Variants in RANBP17 observed in about 807,000 individuals in gnomAD.
RANBP17 encodes ran-binding protein 17.
In RANBP17, 158 loss-of-function variants were observed where a neutral mutation model predicts 141.2. The ratio of observed to expected loss-of-function variants is 1.12; its 90% CI spans 0.98 to 1.28. The LOEUF is 1.28. Among genes scored for constraint, RANBP17 ranks in the 50% most tolerant of loss-of-function variants. RANBP17 has a pLI of 0.00. For missense variants in RANBP17, 1,438 were observed against 1,290.7 expected (o/e 1.11, Z -1.75); for synonymous variants, 430 against 450.0 (o/e 0.96, Z 0.56).
chr5:171,079,096 A>G lies in RANBP17; in HGVS notation c.1711-91034A>G, dbSNP rs577341090. 3.3e-5 allele frequency among the ~76,000 whole-genome samples: 5 copies of G among 152,290 alleles called. No homozygotes were observed. The South Asian group carries it at 1.0e-3, about 32-fold the overall frequency. On this transcript the variant is annotated intron_variant, in intron 14 of 27. Coordinates refer to ENST00000523189, the MANE Select transcript of RANBP17 (RefSeq NM_022897.5). ...CATGGAAGTAGGTCAGTATATTAACATTAATATATTGACTCTGAAAGGAGT... is the reference window on the plus strand; with the variant it reads ...CATGGAAGTAGGTCAGTATATTAACGTTAATATATTGACTCTGAAAGGAGT...
At chr5:170,997,010 A>G (rs1778860468) in intron 14 of RANBP17, among the ~76,000 whole-genome samples, 1 of 152,114 alleles carries the variant, frequency 6.6e-6, no homozygotes, top group Non-Finnish European at 1.5e-5. Context: ...GTCATGTGTC[A>G]AAAGAGAGAC....
At chr5:171,186,905 T>G (rs78920269) in intron 18 of RANBP17, among the ~76,000 whole-genome samples, 7,961 of 152,226 alleles carry the variant, frequency 0.052, 271 homozygotes, top group East Asian at 0.12. Context: ...TTTAATCGCT[T>G]TAATTTTCTT....
At chr5:171,262,018 G>A (rs918566886) in intron 24 of RANBP17, among the ~76,000 whole-genome samples, 2 of 152,134 alleles carry the variant, frequency 1.3e-5, no homozygotes, top group Non-Finnish European at 1.5e-5. Context: ...TGCTTTTATT[G>A]CGAGGATATA....
intron 14 of RANBP17, among the ~76,000 whole-genome samples, chr5:171,007,111 A>G (rs1581379841): frequency 6.6e-6 from 1 of 152,276 alleles, no homozygotes; most frequent in East Asian, 1.9e-4. Flanking sequence ...AAAGGGTAGA[A>G]GTTAGGATGA....
At chr5:171,249,804 C>T (rs2128002513) in intron 24 of RANBP17, among the ~76,000 whole-genome samples, 1 of 152,218 alleles carries the variant, frequency 6.6e-6, no homozygotes, top group South Asian at 2.1e-4. Flanking sequence ...TTGCCAGCAT[C>T]CATGAGAACA....
At chr5:170,943,766 A>G (rs1774530210) in intron 12 of RANBP17, among the ~76,000 whole-genome samples, 1 of 152,152 alleles carries the variant, frequency 6.6e-6, no homozygotes, top group Non-Finnish European at 1.5e-5. Context: ...CATTTTTTGT[A>G]TATATTTAAG....
intron 25 of RANBP17, among the ~76,000 whole-genome samples, chr5:171,284,013 C>T (rs578171382): frequency 6.6e-6 from 1 of 152,258 alleles, no homozygotes; most frequent in South Asian, 2.1e-4. Flanking sequence ...TTGTGAAGTA[C>T]GATAATAATT....
At chr5:171,076,491 A>G (rs1010357138) in intron 14 of RANBP17, among the ~76,000 whole-genome samples, 5 of 152,250 alleles carry the variant, frequency 3.3e-5, no homozygotes, top group African/African-American at 1.2e-4. Context: ...AAATGTGACT[A>G]CAAAAGTATT....
At chr5:171,061,359 G>A (rs547028882) in intron 14 of RANBP17, among the ~76,000 whole-genome samples, 195 of 152,122 alleles carry the variant, frequency 1.3e-3, no homozygotes, top group African/African-American at 4.6e-3. Context: ...CTGGTATGTT[G>A]TGTCTTTGTT....
chr5:171,285,996 G>A (rs1768149716), intron 25 of RANBP17, among the ~76,000 whole-genome samples: 1 of 152,196 alleles, frequency 6.6e-6, no homozygotes, highest in African/African-American at 2.4e-5. Context: ...GATTAAAATG[G>A]ATGTTTTGAG....
At chr5:171,063,054 C>G (rs1432318843) in intron 14 of RANBP17, among the ~76,000 whole-genome samples, 1 of 152,078 alleles carries the variant, frequency 6.6e-6, no homozygotes, top group Non-Finnish European at 1.5e-5. Flanking sequence ...TCTAGTTATA[C>G]ATTCATCTAA....
At chr5:171,056,893 T>C (rs1783422375) in intron 14 of RANBP17, among the ~76,000 whole-genome samples, 1 of 152,166 alleles carries the variant, frequency 6.6e-6, no homozygotes, top group Admixed American at 6.6e-5. Flanking sequence ...GTCTCTTTTC[T>C]TTTCCTCCTT....
At chr5:171,041,071 G>C (rs1561583773) in intron 14 of RANBP17, among the ~76,000 whole-genome samples, 1 of 152,056 alleles carries the variant, frequency 6.6e-6, no homozygotes, top group Non-Finnish European at 1.5e-5. Context: ...GGCCTCATCA[G>C]TTCTAGCCTG....
chr5:170,933,379 AT>A (rs376853908), intron 12 of RANBP17, among the ~76,000 whole-genome samples: 12 of 151,924 alleles, frequency 7.9e-5, no homozygotes, highest in African/African-American at 2.9e-4. Flanking sequence ...GGATTCATTG[AT>A]TTTTTTGAAG....
At chr5:171,208,591 A>G (rs576871279) in intron 20 of RANBP17, among the ~76,000 whole-genome samples, 5 of 152,302 alleles carry the variant, frequency 3.3e-5, no homozygotes, top group African/African-American at 1.2e-4. Flanking sequence ...AAATCTGATC[A>G]TTGAACTCAC....
At chr5:171,023,610 T>C (rs1781031581) in intron 14 of RANBP17, among the ~76,000 whole-genome samples, 1 of 152,230 alleles carries the variant, frequency 6.6e-6, no homozygotes, top group Admixed American at 6.5e-5. Context: ...GAAAGACATT[T>C]TCACTGGGTA....
At chr5:171,286,113 T>C (rs537204123) in intron 25 of RANBP17, among the ~76,000 whole-genome samples, 1 of 152,346 alleles carries the variant, frequency 6.6e-6, no homozygotes, top group African/African-American at 2.4e-5. Flanking sequence ...TTTGAAGCAA[T>C]TAATCACTTT....
Position 170,952,384 on chromosome 5 carries a change from GT to G in RANBP17, c.1469-1210del, listed in dbSNP as rs1409643277. Among the ~76,000 whole-genome samples, 6 of 151,902 alleles carry G rather than the reference GT, an allele frequency of 3.9e-5. No individual in the cohort carries two copies. The East Asian group carries it at 1.2e-3, about 29-fold the overall frequency. ...AAGGCTGTATAATTGGTCAGTTCTG[GT>G]TTATTTTTGTTTTGTGAGAGAATAA... On this transcript the variant is annotated intron_variant, in intron 12 of 27. Transcript: ENST00000523189.
chr5:170,967,142 G>A (rs1350137651), intron 13 of RANBP17, among the ~76,000 whole-genome samples: 1 of 152,104 alleles, frequency 6.6e-6, no homozygotes, highest in Non-Finnish European at 1.5e-5. Context: ...GATGTGTAAA[G>A]AGCTCTAAGA....
Sources: allele counts gnomAD v4.1 joint callset (sites outside exome capture counted in the v4.1 genomes callset), GRCh38; gene constraint gnomAD v4.1.1; transcripts MANE v1.5; gene names NCBI Gene and HGNC (gene_info 2026-07-23, HGNC 2026-07-21).